SEMA5A: variants seen among roughly 807,000 people sequenced by gnomAD.
The protein encoded by SEMA5A is semaphorin-5A.
A neutral mutation model predicts 135.5 loss-of-function variants in SEMA5A; 55 were observed. The ratio of observed to expected loss-of-function variants is 0.41; its 90% CI spans 0.33 to 0.51. The LOEUF is 0.51. Among genes scored for constraint, SEMA5A ranks in the 20% least tolerant of loss-of-function variants. The pLI is 0.37. For missense variants in SEMA5A, 1,290 were observed against 1,419.9 expected (o/e 0.91, Z 1.47); for synonymous variants, 580 against 546.5 (o/e 1.06, Z -0.85).
intron 2 of SEMA5A, among the ~76,000 whole-genome samples, chr5:9,414,329 G>A (rs1269539422): frequency 2.0e-5 from 3 of 152,030 alleles, no homozygotes; most frequent in African/African-American, 4.8e-5. Context: ...TACTTTCATC[G>A]AAGATGACAG....
In SEMA5A at chr5:9,054,265, G is replaced by A. The variant is rs200432205; in HGVS notation, c.2519-8C>T. On this transcript the variant is annotated splice_region_variant and splice_polypyrimidine_tract_variant and intron_variant, in intron 18 of 22. Transcript: ENST00000382496. The stretch of plus-strand genomic sequence containing the variant: ...AAGACCACACGCCATCCACTGTGAA[G>A]AAACACAATGTCACAGCTCTTCTAT... The A allele has an allele frequency of 4.7e-4, 764 of 1,610,414 alleles. No individual in the cohort carries two copies. Among genetic ancestry groups the A allele is most frequent in the Middle Eastern group, 2.8e-3 (17 of 6,026 alleles).
At chr5:9,290,344 G>A (rs1329864405) in intron 5 of SEMA5A, among the ~76,000 whole-genome samples, 2 of 152,080 alleles carry the variant, frequency 1.3e-5, no homozygotes, top group East Asian at 1.9e-4. Context: ...TAGAATAATG[G>A]TTTCCAGGTC....
At position 9,073,904 on chromosome 5, in the gene SEMA5A, AT is replaced by A. The variant is rs747234696; in HGVS notation, c.2074-7259del. Among the ~76,000 whole-genome samples, 10 of 152,150 alleles carry A rather than the reference AT, an allele frequency of 6.6e-5. No individual in the cohort carries two copies. The East Asian group carries it at 1.3e-3, about 20-fold the overall frequency. ...ATACTTAAGATTAAATCTCAAAAAA[AT>A]ATGTGCATGACTTTTACAATGAAAG... is the stretch of plus-strand genomic sequence containing the variant. On this transcript the variant is annotated intron_variant, in intron 16 of 22. Transcript: ENST00000382496.
intron 1 of SEMA5A, among the ~76,000 whole-genome samples, chr5:9,495,226 GTGATTAAACCACCA>G (rs1471565079): frequency 6.6e-6 from 1 of 152,220 alleles, no homozygotes; most frequent in East Asian, 1.9e-4. Flanking sequence ...TACCCAGGCA[GTGATTAAACCACCA>G]ATACTAGGAG....
At chr5:9,145,459 G>A (rs1049383446) in intron 12 of SEMA5A, among the ~76,000 whole-genome samples, 10 of 152,016 alleles carry the variant, frequency 6.6e-5, no homozygotes, top group Admixed American at 6.6e-4. Context: ...GAATTCACTG[G>A]ACTATGCAGC....
chr5:9,072,914 A>G (rs182687051), intron 16 of SEMA5A, among the ~76,000 whole-genome samples: 237 of 152,326 alleles, frequency 1.6e-3, no homozygotes, highest in African/African-American at 5.5e-3. Flanking sequence ...TGATGCAGAT[A>G]TGACACAGAT....
intron 1 of SEMA5A, among the ~76,000 whole-genome samples, chr5:9,444,564 C>G (rs889322167): frequency 4.6e-5 from 7 of 152,102 alleles, no homozygotes; most frequent in Non-Finnish European, 1.0e-4. Flanking sequence ...TATAGATATA[C>G]CACAGTTTCT....
chr5:9,509,275 A>G (rs1736075746), intron 1 of SEMA5A, among the ~76,000 whole-genome samples: 1 of 151,594 alleles, frequency 6.6e-6, no homozygotes. Flanking sequence ...TATTATTATT[A>G]TTATTATTAT....
intron 1 of SEMA5A, among the ~76,000 whole-genome samples, chr5:9,526,856 A>G (rs1046257233): frequency 4.9e-4 from 74 of 152,318 alleles, no homozygotes; most frequent in African/African-American, 1.5e-3. Context: ...AAGACAATGC[A>G]TCTACATAGC....
chr5:9,104,507 C>T (rs1376538935), intron 16 of SEMA5A, among the ~76,000 whole-genome samples: 1 of 152,182 alleles, frequency 6.6e-6, no homozygotes, highest in African/African-American at 2.4e-5. Context: ...AGGAAACACA[C>T]ATATGACAGT....
At chr5:9,424,865 G>A (rs13152886) in intron 2 of SEMA5A, among the ~76,000 whole-genome samples, 3 of 151,936 alleles carry the variant, frequency 2.0e-5, no homozygotes, top group Non-Finnish European at 2.9e-5. Flanking sequence ...CCACCATCAC[G>A]CCTGACCCCA....
intron 5 of SEMA5A, among the ~76,000 whole-genome samples, chr5:9,243,022 C>T (rs1300417029): frequency 6.6e-6 from 1 of 152,188 alleles, no homozygotes; most frequent in Non-Finnish European, 1.5e-5. Context: ...TAAGGAACTG[C>T]AGAGTGGTGC....
chr5:9,520,119 C>T (rs1480838895), intron 1 of SEMA5A, among the ~76,000 whole-genome samples: 4 of 152,176 alleles, frequency 2.6e-5, no homozygotes, highest in African/African-American at 9.7e-5. Flanking sequence ...AGCAGCCATT[C>T]CCACCCCCAA....
chr5:9,399,483 T>C (rs901038151), intron 2 of SEMA5A, among the ~76,000 whole-genome samples: 1 of 152,324 alleles, frequency 6.6e-6, no homozygotes, highest in African/African-American at 2.4e-5. Flanking sequence ...GGAGAGTTTC[T>C]GCTAATGGAT....
chr5:9,339,544 T>C (rs1421045059), intron 3 of SEMA5A, among the ~76,000 whole-genome samples: 2 of 151,600 alleles, frequency 1.3e-5, no homozygotes, highest in Non-Finnish European at 2.9e-5. Context: ...AAATAATAAA[T>C]ATGTGAAATG....
At chr5:9,062,438 T>C (rs1209270725) in intron 18 of SEMA5A, among the ~76,000 whole-genome samples, 3 of 152,204 alleles carry the variant, frequency 2.0e-5, no homozygotes, top group Admixed American at 6.5e-5. Flanking sequence ...CAACAGGTGA[T>C]GACATCACAC....
intron 13 of SEMA5A, among the ~76,000 whole-genome samples, chr5:9,125,964 C>T (rs1741087392): frequency 6.6e-6 from 1 of 152,194 alleles, no homozygotes; most frequent in Non-Finnish European, 1.5e-5. Context: ...TATGCTTACA[C>T]ATCCTCGCCT....
chr5:9,456,405 A>C (rs1184852626), intron 1 of SEMA5A, among the ~76,000 whole-genome samples: 1 of 152,226 alleles, frequency 6.6e-6, no homozygotes, highest in Non-Finnish European at 1.5e-5. Context: ...AGAACAAAAC[A>C]CAACAAAACA....
At chr5:9,245,686 A>G (rs1463984245) in intron 5 of SEMA5A, among the ~76,000 whole-genome samples, 1 of 152,210 alleles carries the variant, frequency 6.6e-6, no homozygotes, top group Non-Finnish European at 1.5e-5. Context: ...TTACTGAGTG[A>G]AGGATTCTAA....
Sources: gnomAD v4.1 joint callset for allele counts (sites outside exome capture counted in the v4.1 genomes callset) on GRCh38, gnomAD v4.1.1 for gene constraint, MANE v1.5 for transcripts, NCBI Gene and HGNC (gene_info 2026-07-23, HGNC 2026-07-21) for gene names.